ERG: variants seen among roughly 807,000 people sequenced by gnomAD.
The protein encoded by ERG is ETS transcription factor ERG.
Under a neutral mutation model 55.3 loss-of-function variants are expected in ERG, and 9 were observed. That is an observed-to-expected ratio of 0.16 (90% CI 0.10 to 0.28). The LOEUF is 0.28. Among genes scored for constraint, ERG ranks in the 10% least tolerant of loss-of-function variants. ERG has a pLI of 1.00. For synonymous variants in ERG, 223 were observed against 237.3 expected, an observed-to-expected ratio of 0.94 and a Z score of 0.55; for missense variants, 434 against 631.6, an observed-to-expected ratio of 0.69 and a Z score of 3.35.
chr21:38,431,605 G>C (rs778556418), intron 2 of ERG, among the ~76,000 whole-genome samples: 18 of 152,182 alleles, frequency 1.2e-4, no homozygotes, highest in Non-Finnish European at 2.2e-4. Flanking sequence ...TGCTGAGGTA[G>C]GATACCAATT....
chr21:38,469,044 G>C (rs901145337), intron 1 of ERG, among the ~76,000 whole-genome samples: 5 of 137,744 alleles, frequency 3.6e-5, no homozygotes, highest in Non-Finnish European at 8.0e-5. Context: ...CAGAACTCTA[G>C]CCCTTTGTCC....
At chr21:38,439,512 T>A (rs1343675008) in intron 2 of ERG, among the ~76,000 whole-genome samples, 1 of 152,186 alleles carries the variant, frequency 6.6e-6, no homozygotes, top group Non-Finnish European at 1.5e-5. Context: ...TTCTCCATTG[T>A]GTGAACACTT....
chr21:38,427,579 CG>C (rs1183451812), intron 2 of ERG, among the ~76,000 whole-genome samples: 1 of 152,156 alleles, frequency 6.6e-6, no homozygotes, highest in African/African-American at 2.4e-5. Context: ...GACTTCAGTG[CG>C]GGTGGCCCGA....
At chr21:38,469,543 T>C (rs1601449965) in intron 1 of ERG, among the ~76,000 whole-genome samples, 1 of 152,058 alleles carries the variant, frequency 6.6e-6, no homozygotes, top group East Asian at 1.9e-4. Flanking sequence ...TGCGGAATCA[T>C]TGTATTAACT....
chr21:38,628,544 A>G (rs1001429882), intron 1 of ERG, among the ~76,000 whole-genome samples: 3 of 152,146 alleles, frequency 2.0e-5, no homozygotes, highest in African/African-American at 7.2e-5. Flanking sequence ...CCACCTGCAC[A>G]CCCACAGCTA....
At chr21:38,369,781 G>A in the ERG span, among the ~76,000 whole-genome samples, 1 of 152,098 alleles carries the variant, frequency 6.6e-6, no homozygotes, top group African/African-American at 2.4e-5. Context: ...AATCCATCTT[G>A]CTTTAATTTT....
chr21:38,601,873 CTTTATT>C (rs774533693), intron 1 of ERG, among the ~76,000 whole-genome samples: 29 of 152,224 alleles, frequency 1.9e-4, no homozygotes, highest in African/African-American at 6.0e-4. Flanking sequence ...GCATATTTTA[CTTTATT>C]TTTATTTTTA....
At chr21:38,579,884 G>A (rs1005680488) in intron 1 of ERG, among the ~76,000 whole-genome samples, 12 of 150,618 alleles carry the variant, frequency 8.0e-5, no homozygotes, top group African/African-American at 2.4e-4. Context: ...GCAGTGGTAC[G>A]ATCTCGGCTC....
chr21:38,424,185 G>T (rs78655091), intron 2 of ERG, among the ~76,000 whole-genome samples: 18,220 of 58,252 alleles, frequency 0.31, 1,565 homozygotes, highest in Admixed American at 0.42. Flanking sequence ...ACCAGAGCTC[G>T]AGCTCTCTCT....
intron 1 of ERG, among the ~76,000 whole-genome samples, chr21:38,469,054 C>CA (rs199782409): frequency 1.0e-4 from 15 of 143,394 alleles, no homozygotes; most frequent in East Asian, 4.1e-4. Context: ...GCCCTTTGTC[C>CA]AAAAAAAAAC....
chr21:38,588,452 T>C (rs2060080487), upstream of ERG, among the ~76,000 whole-genome samples: 1 of 152,146 alleles, frequency 6.6e-6, no homozygotes, highest in South Asian at 2.1e-4. Flanking sequence ...TCAGGAAATC[T>C]GGACTGGAAA....
intron 2 of ERG, among the ~76,000 whole-genome samples, chr21:38,553,067 T>G (rs577648437): frequency 6.6e-6 from 1 of 152,188 alleles, no homozygotes; most frequent in Admixed American, 6.5e-5. Flanking sequence ...GAGAGCCATA[T>G]CAAGAATGCA....
chr21:38,381,404 A>T lies in ERG; in HGVS notation c.*1999T>A, dbSNP rs561609523. On this transcript the variant is annotated 3_prime_UTR_variant, in exon 10 of 10. Transcript: ENST00000288319. Reference sequence around the variant, plus strand: ...GGGAAACTGACTCTAGATTATGGAAATAAACATTGTCTTCAAGGGATAGCC... The same window carrying T: ...GGGAAACTGACTCTAGATTATGGAATTAAACATTGTCTTCAAGGGATAGCC... The T allele has an allele frequency of 1.9e-5, 20 of 1,063,092 alleles. No individual in the cohort carries two copies. Among genetic ancestry groups the T allele is most frequent in the Non-Finnish European group, 2.1e-5 (18 of 878,006 alleles). 65.9% of individuals were successfully genotyped at this position (1,063,092 alleles called of 1,614,324 possible).
At chr21:38,430,269 T>A (rs1471631755) in intron 2 of ERG, among the ~76,000 whole-genome samples, 2 of 152,168 alleles carry the variant, frequency 1.3e-5, no homozygotes, top group East Asian at 3.8e-4. Flanking sequence ...AAATTATTTA[T>A]TTTTTTCTTG....
At chr21:38,602,813 A>G (rs1255889916) in intron 1 of ERG, among the ~76,000 whole-genome samples, 2 of 151,634 alleles carry the variant, frequency 1.3e-5, no homozygotes, top group Admixed American at 1.3e-4. Context: ...AAGGAAACAC[A>G]TGAGCCTTTT....
At chr21:38,641,070 C>T (rs1249564637) in intron 1 of ERG, among the ~76,000 whole-genome samples, 1 of 152,146 alleles carries the variant, frequency 6.6e-6, no homozygotes, top group Non-Finnish European at 1.5e-5. Flanking sequence ...GTTGTGAACC[C>T]AGAAAAGGCA....
At chr21:38,627,828 G>A (rs903946965) in intron 1 of ERG, among the ~76,000 whole-genome samples, 1 of 152,112 alleles carries the variant, frequency 6.6e-6, no homozygotes, top group African/African-American at 2.4e-5. Context: ...AAAGGGATGT[G>A]GTAATTTTTT....
intron 3 of ERG, among the ~76,000 whole-genome samples, chr21:38,415,586 G>C (rs1182545824): frequency 6.6e-6 from 1 of 152,150 alleles, no homozygotes; most frequent in Non-Finnish European, 1.5e-5. Flanking sequence ...GAGTGGAAGA[G>C]ATCCTCGGGT....
At chr21:38,577,512 G>A (rs1327146185) in intron 1 of ERG, among the ~76,000 whole-genome samples, 2 of 152,130 alleles carry the variant, frequency 1.3e-5, no homozygotes, top group East Asian at 3.9e-4. Context: ...CAGAGGGAGT[G>A]AAGTGCAGTC....
Sources: allele counts gnomAD v4.1 joint callset (sites outside exome capture counted in the v4.1 genomes callset), GRCh38; gene constraint gnomAD v4.1.1; transcripts MANE v1.5; gene names NCBI Gene and HGNC (gene_info 2026-07-23, HGNC 2026-07-21).